Variants in IGFALS observed in about 807,000 individuals in gnomAD.
IGFALS encodes the protein insulin like growth factor binding protein acid labile subunit.
Under a neutral mutation model 2.6 loss-of-function variants are expected in IGFALS, and 2 were observed. The observed-to-expected ratio is 0.77, with a 90% CI of 0.32 to 2.44. The LOEUF is 2.44. IGFALS is among the 30% of genes most tolerant of loss of function. The probability of loss-of-function intolerance (pLI) is 0.11; values close to 1 mark genes in which losing one functional copy is unlikely to be tolerated. For synonymous variants in IGFALS, 519 were observed against 431.9 expected (o/e 1.20, Z -2.50); for missense variants, 996 against 848.7 (o/e 1.17, Z -2.16).
At position 1,792,040 on chromosome 16, in the gene IGFALS, G is replaced by A; in HGVS notation, c.378C>T (p.His126=). The A allele has an allele frequency of 6.2e-7, 1 of 1,610,752 alleles. No individual in the cohort carries two copies. The highest frequency in any genetic ancestry group is 8.5e-7 in the Non-Finnish European group (1 of 1,179,568). Reference sequence around the variant, plus strand: ...GCAGCTGGTTCCGCTCCAGGTGCAGGTGGCACAGGTTCTCTAGGCCCAGCA... The same window carrying A: ...GCAGCTGGTTCCGCTCCAGGTGCAGATGGCACAGGTTCTCTAGGCCCAGCA... ...QALLGLENLC[H]LHLERNQLRS... The change falls in exon 2 of 2, where the codon CAC becomes CAT. Residue 126 remains histidine (H), a synonymous_variant. Transcript: ENST00000215539.
Position 1,790,563 on chromosome 16 carries a change from GGGGGCCTGAGTCC to G in IGFALS, c.*24_*36del. 1 of 1,518,156 alleles carries G rather than the reference GGGGGCCTGAGTCC, an allele frequency of 6.6e-7. No homozygotes were observed. The highest frequency in any genetic ancestry group is 1.4e-5 in the African/African-American group (1 of 72,694). The allele number at this position is 1,518,156 out of a possible 1,614,324, so 94.0% of individuals were successfully genotyped here. A position where few individuals can be genotyped will look rare whatever the true frequency, so the allele number is the denominator to read the frequency against. Reference sequence around the variant, plus strand: ...GTCCCCAGCACAAGGTGAGCCAGGTGGGGGCCTGAGTCCGGGGCTTGAGTCCGGGGACCTGGTC... The same window carrying G: ...GTCCCCAGCACAAGGTGAGCCAGGTGGGGGCTTGAGTCCGGGGACCTGGTC... On this transcript the variant is annotated 3_prime_UTR_variant, in exon 2 of 2. Transcript: ENST00000215539.
rs1051049413 is a variant in IGFALS, at chr16:1,791,756, C to T, written c.662G>A (p.Arg221Gln). Residue 221 changes from arginine (R) to glutamine (Q), a missense_variant, in exon 2 of 2, where the codon CGG (arginine) becomes CAG (glutamine). Coordinates refer to ENST00000215539, the MANE Select transcript of IGFALS (RefSeq NM_004970.3). ...CGCGTTCCTGCTCAGGTCCAGCTCC[C>T]GGAGCTCGGCCAGGCCGCTGAAGAG... is the stretch of plus-strand genomic sequence containing the variant. ...PALFSGLAEL[R>Q]ELDLSRNALR... 3.2e-6 allele frequency: 5 copies of T among 1,549,992 alleles called. No individual in the cohort carries two copies. The highest frequency in any genetic ancestry group is 2.4e-5 in the East Asian group (1 of 41,354).
Position 1,792,285 on chromosome 16 carries a change from AGGCGGCCG to A in IGFALS, c.125_132del (p.Pro42LeufsTer7). 1 of 1,599,762 alleles carries A rather than the reference AGGCGGCCG, an allele frequency of 6.3e-7. No homozygotes were observed. Among genetic ancestry groups the A allele is most frequent in the Non-Finnish European group, 8.5e-7 (1 of 1,179,504 alleles). ...GCGTCGTCATCGTAGCTGCAGACACAGGCGGCCGGGCACGCTGGGCCCTCGGCTTCCCC... is the reference window on the plus strand; with the variant it reads ...GCGTCGTCATCGTAGCTGCAGACACAGGCACGCTGGGCCCTCGGCTTCCCC... On this transcript the variant is annotated frameshift_variant, in exon 2 of 2. Coordinates refer to ENST00000215539, the MANE Select transcript of IGFALS (RefSeq NM_004970.3). LOFTEE classifies it low-confidence loss of function (END_TRUNC).
Position 1,790,557 on chromosome 16 carries a change from C to A in IGFALS, c.*43G>T. ...GGACCTGTCCCCAGCACAAGGTGAG[C>A]CAGGTGGGGGCCTGAGTCCGGGGCT... On this transcript the variant is annotated 3_prime_UTR_variant, in exon 2 of 2. Coordinates refer to ENST00000215539, the MANE Select transcript of IGFALS (RefSeq NM_004970.3). 6.7e-7 allele frequency: 1 copy of A among 1,503,050 alleles called. No individual in the cohort carries two copies. The allele number at this position is 1,503,050 out of a possible 1,614,324, so 93.1% of individuals were successfully genotyped here.
intron 1 of IGFALS, among the ~76,000 whole-genome samples, chr16:1,792,887 C>A (rs1220174594): frequency 6.6e-6 from 1 of 152,236 alleles, no homozygotes; most frequent in Non-Finnish European, 1.5e-5. Flanking sequence ...ACCTCCTGCC[C>A]CAGTTAGGCC....
rs1485307414 is a variant in IGFALS at position 1,791,553 on chromosome 16, G to T, written c.865C>A (p.Leu289Met). ...AGCCGCAGCACACGCAGGCCCAGCA[G>T]ACCGGGGAACGTGTCCTCCAGGAGG... ...AGLLEDTFPG[L>M]LGLRVLRLSH... Residue 289 changes from leucine to methionine, a missense_variant, in exon 2 of 2, where the codon CTG (leucine) becomes ATG (methionine). Physicochemically the swap from Leu to Met is conservative, Grantham distance 15 (BLOSUM62 2). Coordinates refer to ENST00000215539, the MANE Select transcript of IGFALS (RefSeq NM_004970.3). The T allele has an allele frequency of 6.4e-7, 1 of 1,574,356 alleles. No homozygotes were observed. The highest frequency in any genetic ancestry group is 8.6e-7 in the Non-Finnish European group (1 of 1,161,736).
upstream of IGFALS, among the ~76,000 whole-genome samples, chr16:1,794,370 C>T (rs1476806173): frequency 6.6e-6 from 1 of 152,176 alleles, no homozygotes; most frequent in Non-Finnish European, 1.5e-5. Context: ...TTGCCCTGCG[C>T]CATCCTCGGG....
rs1334333251 is a variant in IGFALS, at chr16:1,791,452, G to A, written c.966C>T (p.Gly322=). 3.7e-6 allele frequency: 6 copies of A among 1,612,256 alleles called. No homozygotes were observed. Among genetic ancestry groups the A allele is most frequent in the African/African-American group, 1.3e-5 (1 of 74,940 alleles). ...CAGCCAGCTGCCGGATGCGGTTGTG[G>A]CCCAGCTGCAGCTCCTCCAGGAAGT... ...DLHFLEELQL[G]HNRIRQLAER... The change falls in exon 2 of 2, where the codon GGC becomes GGT. Residue 322 remains glycine, a synonymous_variant. Coordinates refer to ENST00000215539, the MANE Select transcript of IGFALS (RefSeq NM_004970.3).
chr16:1,793,760 A>T, upstream of IGFALS: 3 of 1,216,172 alleles, frequency 2.5e-6, no homozygotes, highest in South Asian at 4.2e-5. Flanking sequence ...CGCGCCTGTC[A>T]CCTGGCTGGC....
Position 1,791,632 on chromosome 16 carries a change from G to C in IGFALS, c.786C>G (p.Phe262Leu), listed in dbSNP as rs1287083038. Residue 262 changes from phenylalanine to leucine, a missense_variant, in exon 2 of 2, where the codon TTC (phenylalanine) becomes TTG (leucine). Phe to Leu is a conservative substitution (Grantham distance 22). Transcript: ENST00000215539. ...NLIAAVAPGA[F>L]LGLKALRWLD... ...GCCATCGCAGCGCCTTCAGGCCCAG[G>C]AAGGCGCCCGGGGCCACGGCAGCGA... is the stretch of plus-strand genomic sequence containing the variant. 6.3e-7 allele frequency: 1 copy of C among 1,575,564 alleles called. No homozygotes were observed. Among genetic ancestry groups the C allele is most frequent in the East Asian group, 2.3e-5 (1 of 42,574 alleles).
upstream of IGFALS, chr16:1,794,853 G>C (rs886767952): frequency 1.4e-6 from 1 of 702,178 alleles, no homozygotes; most frequent in African/African-American, 1.7e-5. Flanking sequence ...CAGGCCCCGT[G>C]CAGAGCTGTG....
rs1446834859 is a variant in IGFALS, at chr16:1,792,488, G to C, written c.17-87C>G. The C allele has an allele frequency of 2.1e-6, 3 of 1,447,438 alleles. No homozygotes were observed. In the East Asian group the frequency reaches 7.4e-5, roughly 36 times the overall value. 89.7% of individuals were successfully genotyped at this position (1,447,438 alleles called of 1,614,324 possible). On this transcript the variant is annotated intron_variant, in intron 1 of 1. Coordinates refer to ENST00000215539, the MANE Select transcript of IGFALS (RefSeq NM_004970.3). ...CCAGCACAGCCGGAAGCGGCGCTCA[G>C]GTGTGAACTGAGGCTCGAGGTCACC...
rs1394524330 is a variant in IGFALS, at chr16:1,792,280, G to C, written c.138C>G (p.Val46=). 2.5e-6 allele frequency: 4 copies of C among 1,600,082 alleles called. No individual in the cohort carries two copies. Among genetic ancestry groups the C allele is most frequent in the Non-Finnish European group, 3.4e-6 (4 of 1,179,580 alleles). The part of the protein sequence containing the change: ...AEGPACPAAC[V]CSYDDDADEL... Reference sequence around the variant, plus strand: ...CATCCGCGTCGTCATCGTAGCTGCAGACACAGGCGGCCGGGCACGCTGGGC... The same window carrying C: ...CATCCGCGTCGTCATCGTAGCTGCACACACAGGCGGCCGGGCACGCTGGGC... The change falls in exon 2 of 2, where the codon GTC becomes GTG. Residue 46 remains valine, a synonymous_variant. Coordinates refer to ENST00000215539, the MANE Select transcript of IGFALS (RefSeq NM_004970.3).
chr16:1,793,696 C>A lies in IGFALS; in HGVS notation c.-44G>T. ...TGCAGGCAGGCAGCGAGGGAGGGTA[C>A]GTCTGCTGTGCCGGCCACCCCTGCC... On this transcript the variant is annotated 5_prime_UTR_variant, in exon 1 of 2. Coordinates refer to ENST00000215539, the MANE Select transcript of IGFALS (RefSeq NM_004970.3). 1 of 1,565,958 alleles carries A rather than the reference C, an allele frequency of 6.4e-7. No homozygotes were observed. The highest frequency in any genetic ancestry group is 8.7e-7 in the Non-Finnish European group (1 of 1,153,914).
rs748272631 is a variant in IGFALS at position 1,790,618 on chromosome 16, G to A, written c.1800C>T (p.Ala600=). 6.4e-7 allele frequency: 1 copy of A among 1,570,810 alleles called. No homozygotes were observed. The highest frequency in any genetic ancestry group is 1.2e-5 in the South Asian group (1 of 85,688). ...GACCTGGTCAGCAGGGAGCAAAGTGGGCCTCGCTGAGGTCCCGCAGGTCGA... is the reference window on the plus strand; with the variant it reads ...GACCTGGTCAGCAGGGAGCAAAGTGAGCCTCGCTGAGGTCCCGCAGGTCGA... ...VGLDLRDLSE[A]HFAPC Residue 600 remains alanine (A), a synonymous_variant, in exon 2 of 2, where the codon GCC becomes GCT. Transcript: ENST00000215539.
chr16:1,793,672 G>C lies in IGFALS; in HGVS notation c.-20C>G. On this transcript the variant is annotated 5_prime_UTR_variant, in exon 1 of 2. Coordinates refer to ENST00000215539, the MANE Select transcript of IGFALS (RefSeq NM_004970.3). ...GGCCATCCTGCATGCAGGGCAGGCT[G>C]CAGGCAGGCAGCGAGGGAGGGTACG... The C allele has an allele frequency of 6.3e-7, 1 of 1,583,384 alleles. No individual in the cohort carries two copies.
At chr16:1,793,747 G>T, upstream of IGFALS, 1 of 1,292,214 alleles carries the variant, frequency 7.7e-7, no homozygotes, top group Non-Finnish European at 1.1e-6. Flanking sequence ...CTGCGGGGCA[G>T]CCCGCGCCTG....
In IGFALS at chr16:1,791,375, T is replaced by C. The variant is rs1897221578; in HGVS notation, c.1043A>G (p.Asn348Ser). 1.9e-6 allele frequency: 3 copies of C among 1,609,570 alleles called. No homozygotes were observed. The highest frequency in any genetic ancestry group is 1.3e-5 in the African/African-American group (1 of 75,020). ...GCCCGCCTTGACCTCCTGGAGCTGG[T>C]TGTGGTCTAGCGTGAGCACCTCAAG... ...GQLEVLTLDH[N>S]QLQEVKAGAF... The change falls in exon 2 of 2, where the codon AAC (asparagine) becomes AGC (serine). Residue 348 changes from asparagine (N) to serine (S), a missense_variant. By Grantham distance (46) the Asn-to-Ser change is conservative (BLOSUM62 1). Coordinates refer to ENST00000215539, the MANE Select transcript of IGFALS (RefSeq NM_004970.3).
rs778968256 is a variant in IGFALS at position 1,791,493 on chromosome 16, T to TG, written c.924dup (p.Thr309HisfsTer23). The TG allele has an allele frequency of 6.2e-7, 1 of 1,610,758 alleles. No individual in the cohort carries two copies. The highest frequency in any genetic ancestry group is 1.1e-5 in the South Asian group (1 of 90,774). On this transcript the variant is annotated frameshift_variant, in exon 2 of 2. Transcript: ENST00000215539. LOFTEE classifies it low-confidence loss of function (END_TRUNC). Reference sequence around the variant, plus strand: ...TCCAGGAAGTGCAGGTCCTTGAAGGTGCGGGGCCGCAGGCTGGCGATGGCG... The same window carrying TG: ...TCCAGGAAGTGCAGGTCCTTGAAGGTGGCGGGGCCGCAGGCTGGCGATGGCG...
Sources: allele counts gnomAD v4.1 joint callset (sites outside exome capture counted in the v4.1 genomes callset), GRCh38; gene constraint gnomAD v4.1.1; transcripts MANE v1.5; gene names NCBI Gene and HGNC (gene_info 2026-07-23, HGNC 2026-07-21).